The following ZBTB8A variants were observed in gnomAD, a reference collection of about 807,000 sequenced individuals.
ZBTB8A encodes zinc finger and BTB domain-containing protein 8A.
In ZBTB8A, 19 loss-of-function variants were observed where a neutral mutation model predicts 37.8. The observed-to-expected ratio is 0.50, with a 90% CI of 0.35 to 0.74. The LOEUF (loss-of-function observed/expected upper bound fraction) is 0.74, where lower values mean the gene tolerates loss of function less well. ZBTB8A is among the 30% of genes least tolerant of loss of function. The pLI is 0.01. For missense variants in ZBTB8A, 394 were observed against 537.8 expected, an observed-to-expected ratio of 0.73 and a Z score of 2.65; for synonymous variants, 181 against 185.2, an observed-to-expected ratio of 0.98 and a Z score of 0.19.
At chr1:32,584,038 G>A (rs1029143711) in intron 2 of ZBTB8A, among the ~76,000 whole-genome samples, 4 of 152,102 alleles carry the variant, frequency 2.6e-5, no homozygotes, top group Admixed American at 1.3e-4. Context: ...GATTACAGGT[G>A]TAAGCCACCA....
chr1:32,571,807 C>A (rs554610633), intron 2 of ZBTB8A, among the ~76,000 whole-genome samples: 1 of 151,792 alleles, frequency 6.6e-6, no homozygotes, highest in Non-Finnish European at 1.5e-5. Context: ...GAACTCCTGA[C>A]TTCAGGTGAT....
At chr1:32,582,423 G>A (rs1344521253) in intron 2 of ZBTB8A, among the ~76,000 whole-genome samples, 6 of 152,048 alleles carry the variant, frequency 3.9e-5, no homozygotes, top group South Asian at 2.1e-4. Flanking sequence ...CAAGGTGGGC[G>A]GATCACCTGA....
At chr1:32,581,705 G>A (rs995587345) in intron 2 of ZBTB8A, among the ~76,000 whole-genome samples, 22 of 152,066 alleles carry the variant, frequency 1.4e-4, no homozygotes, top group African/African-American at 4.8e-4. Flanking sequence ...CTGATACGAA[G>A]AAATACCTGA....
intron 4 of ZBTB8A, among the ~76,000 whole-genome samples, chr1:32,595,654 T>C (rs1366059225): frequency 6.7e-6 from 1 of 148,254 alleles, no homozygotes; most frequent in East Asian, 2.0e-4. Flanking sequence ...ACTGCAGCTT[T>C]TGTTTTTTTT....
chr1:32,543,709 T>C (rs12034923), intron 1 of ZBTB8A, among the ~76,000 whole-genome samples: 20,196 of 152,064 alleles, frequency 0.13, 1,574 homozygotes, highest in African/African-American at 0.23. Context: ...CAAAGTCTCG[T>C]TCTGTCACCC....
intron 1 of ZBTB8A, among the ~76,000 whole-genome samples, chr1:32,546,138 C>T (rs1331108781): frequency 1.3e-5 from 2 of 152,130 alleles, no homozygotes; most frequent in Non-Finnish European, 2.9e-5. Flanking sequence ...AGTATCTGCC[C>T]TTCTCATAAA....
chr1:32,546,285 A>T (rs1229320709), intron 1 of ZBTB8A, among the ~76,000 whole-genome samples: 1 of 152,140 alleles, frequency 6.6e-6, no homozygotes, highest in East Asian at 1.9e-4. Context: ...CTCTGTTAAA[A>T]ATATAATAAT....
At chr1:32,548,909 G>A (rs527779234) in intron 1 of ZBTB8A, among the ~76,000 whole-genome samples, 3 of 152,054 alleles carry the variant, frequency 2.0e-5, no homozygotes, top group Non-Finnish European at 2.9e-5. Context: ...ATACCTGGCC[G>A]GGGCCAGGCA....
At chr1:32,552,564 G>T (rs1168503718) in intron 1 of ZBTB8A, among the ~76,000 whole-genome samples, 1 of 152,058 alleles carries the variant, frequency 6.6e-6, no homozygotes, top group Non-Finnish European at 1.5e-5. Flanking sequence ...TACTCGGGAG[G>T]CTGAGGCAGG....
At chr1:32,567,177 C>A (rs1644286247) in intron 2 of ZBTB8A, among the ~76,000 whole-genome samples, 1 of 152,064 alleles carries the variant, frequency 6.6e-6, no homozygotes, top group African/African-American at 2.4e-5. Context: ...GGGAAGCAGG[C>A]CCATCCTACA....
chr1:32,542,338 G>T (rs927386242), intron 1 of ZBTB8A, among the ~76,000 whole-genome samples: 1 of 151,988 alleles, frequency 6.6e-6, no homozygotes, highest in African/African-American at 2.4e-5. Flanking sequence ...CGGGGGTCGG[G>T]GGGGCGGGGT....
intron 2 of ZBTB8A, among the ~76,000 whole-genome samples, chr1:32,579,110 C>G (rs1002037654): frequency 2.0e-5 from 3 of 151,984 alleles, no homozygotes; most frequent in African/African-American, 7.3e-5. Flanking sequence ...ACTTTATGCC[C>G]TGGATGTTCA....
In ZBTB8A at chr1:32,552,440, G is replaced by C. The variant is rs4970530; in HGVS notation, c.-83-1019G>C. Among the ~76,000 whole-genome samples the C allele has an allele frequency of 7.2e-3, 1,095 of 152,256 alleles. 10 individuals carry two copies. The highest frequency in any genetic ancestry group is 0.014 in the Middle Eastern group (4 of 294). On this transcript the variant is annotated intron_variant, in intron 1 of 4. Coordinates refer to ENST00000373510, the MANE Select transcript of ZBTB8A (RefSeq NM_001040441.3). ...TTTGGGAGGCCCAGGCAGGAAGATTGCCTGAGGTCGGTCAGGATTTCGAGA... is the reference window on the plus strand; with the variant it reads ...TTTGGGAGGCCCAGGCAGGAAGATTCCCTGAGGTCGGTCAGGATTTCGAGA...
chr1:32,554,157 A>AC (rs1644180220), intron 2 of ZBTB8A, among the ~76,000 whole-genome samples: 1 of 148,450 alleles, frequency 6.7e-6, no homozygotes, highest in Admixed American at 6.9e-5. Flanking sequence ...CCAAGATCAC[A>AC]CCAGTGCACT....
chr1:32,551,999 C>A (rs1194421915), intron 1 of ZBTB8A, among the ~76,000 whole-genome samples: 2 of 152,146 alleles, frequency 1.3e-5, no homozygotes, highest in African/African-American at 4.8e-5. Context: ...ATAGGACTTA[C>A]TATCTTGGTA....
intron 2 of ZBTB8A, among the ~76,000 whole-genome samples, chr1:32,570,070 G>T (rs537959988): frequency 6.6e-6 from 1 of 152,290 alleles, no homozygotes; most frequent in South Asian, 2.1e-4. Flanking sequence ...AAATTTGTAT[G>T]TTGTGTAAAG....
intron 2 of ZBTB8A, among the ~76,000 whole-genome samples, chr1:32,565,036 G>T (rs1644268423): frequency 6.6e-6 from 1 of 152,162 alleles, no homozygotes; most frequent in Non-Finnish European, 1.5e-5. Flanking sequence ...CCCACAGTAA[G>T]AAATACATTT....
intron 4 of ZBTB8A, among the ~76,000 whole-genome samples, chr1:32,597,530 A>G (rs1227569798): frequency 1.3e-5 from 2 of 152,122 alleles, no homozygotes; most frequent in African/African-American, 4.8e-5. Context: ...TACTTTCCCT[A>G]CCACAGAGCT....
chr1:32,593,045 T>A lies in ZBTB8A; in HGVS notation c.114T>A (p.His38Gln). ...TTGAAGGGAAGGTCTTCAAAGCACA[T>A]CGAAATGTATTATTCGCTAGTAGCG... ...ILVEGKVFKA[H>Q]RNVLFASSGY... is the part of the protein sequence containing the mutation. Residue 38 changes from histidine to glutamine, a missense_variant, in exon 3 of 5, where the codon CAT becomes CAA. His to Gln is a conservative substitution (Grantham distance 24). Transcript: ENST00000373510. 1 of 1,614,150 alleles carries A rather than the reference T, an allele frequency of 6.2e-7. No homozygotes were observed. The highest frequency in any genetic ancestry group is 1.6e-4 in the Middle Eastern group (1 of 6,062).
Sources: allele counts gnomAD v4.1 joint callset (sites outside exome capture counted in the v4.1 genomes callset), GRCh38; gene constraint gnomAD v4.1.1; transcripts MANE v1.5; gene names NCBI Gene and HGNC (gene_info 2026-07-23, HGNC 2026-07-21).